TMEM150C: variants seen among roughly 807,000 people sequenced by gnomAD.
TMEM150C encodes tentonin 3.
In TMEM150C, 10 loss-of-function variants were observed where a neutral mutation model predicts 29.9. The ratio of observed to expected loss-of-function variants is 0.33; its 90% CI spans 0.21 to 0.57. The LOEUF (loss-of-function observed/expected upper bound fraction) is 0.57. Among genes scored for constraint, TMEM150C ranks in the 20% least tolerant of loss-of-function variants. The probability of loss-of-function intolerance (pLI) is 0.88; values close to 1 mark genes in which losing one functional copy is unlikely to be tolerated. For synonymous variants in TMEM150C, 101 were observed against 112.5 expected (o/e 0.90, Z 0.64); for missense variants, 251 against 303.6 (o/e 0.83, Z 1.29).
At chr4:82,520,055 T>C (rs1412881157) in intron 1 of TMEM150C, among the ~76,000 whole-genome samples, 1 of 152,192 alleles carries the variant, frequency 6.6e-6, no homozygotes. Flanking sequence ...TAGTGAATGA[T>C]GAAAGAAACC....
In TMEM150C at chr4:82,491,645, CAGG is replaced by C. The variant is rs1399536752; in HGVS notation, c.364-1410_364-1408del. The C allele has an allele frequency of 7.2e-6, 4 of 551,756 alleles. No homozygotes were observed. In the African/African-American group the frequency reaches 7.7e-5, roughly 11 times the overall value. 34.2% of individuals were successfully genotyped at this position (551,756 alleles called of 1,614,324 possible). On this transcript the variant is annotated intron_variant, in intron 6 of 7. Coordinates refer to ENST00000449862, the MANE Select transcript of TMEM150C (RefSeq NM_001080506.3). ...TCTTTCCTTTCAGCACCTTTGGCAG[CAGG>C]AGGAGAGCGCTAATTTTTTATTTTT...
intron 7 of TMEM150C, among the ~76,000 whole-genome samples, chr4:82,488,465 A>G (rs928087706): frequency 3.3e-5 from 5 of 152,360 alleles, no homozygotes; most frequent in African/African-American, 1.2e-4. Flanking sequence ...AATAATGCCT[A>G]GCACGCTGTC....
intron 1 of TMEM150C, among the ~76,000 whole-genome samples, chr4:82,557,263 C>T (rs1360822557): frequency 6.6e-6 from 1 of 152,158 alleles, no homozygotes; most frequent in Admixed American, 6.5e-5. Flanking sequence ...GTAATCTCCA[C>T]AGGCTAGACT....
chr4:82,491,301 T>G, intron 6 of TMEM150C: 1 of 679,724 alleles, frequency 1.5e-6, no homozygotes, highest in East Asian at 2.6e-5. Flanking sequence ...CTTCTTCTCT[T>G]GCTTTGTCTC....
chr4:82,514,284 T>C (rs1213690936), intron 1 of TMEM150C, among the ~76,000 whole-genome samples: 2 of 152,232 alleles, frequency 1.3e-5, no homozygotes, highest in Non-Finnish European at 2.9e-5. Context: ...CTGTGTGCAT[T>C]TCCTCCTCCT....
chr4:82,543,010 T>C (rs1725243013), intron 1 of TMEM150C, among the ~76,000 whole-genome samples: 1 of 152,200 alleles, frequency 6.6e-6, no homozygotes, highest in Admixed American at 6.5e-5. Flanking sequence ...ATATAGCACT[T>C]ACTATGTGCC....
At chr4:82,552,834 C>T (rs1296306801) in intron 1 of TMEM150C, among the ~76,000 whole-genome samples, 1 of 152,144 alleles carries the variant, frequency 6.6e-6, no homozygotes, top group African/African-American at 2.4e-5. Context: ...TCATTAAGAA[C>T]TTCTTCAGTC....
intron 1 of TMEM150C, among the ~76,000 whole-genome samples, chr4:82,531,271 G>A (rs531458996): frequency 3.9e-5 from 6 of 152,308 alleles, no homozygotes; most frequent in Admixed American, 6.5e-5. Context: ...AGAGAAGTAC[G>A]AGGATAGAAA....
intron 1 of TMEM150C, among the ~76,000 whole-genome samples, chr4:82,531,638 C>T (rs1365140886): frequency 6.6e-6 from 1 of 151,480 alleles, no homozygotes; most frequent in African/African-American, 2.4e-5. Flanking sequence ...ACCTGTAATC[C>T]CAGGTACGTG....
intron 5 of TMEM150C, among the ~76,000 whole-genome samples, chr4:82,497,203 T>C (rs1331125638): frequency 6.6e-6 from 1 of 152,048 alleles, no homozygotes; most frequent in East Asian, 1.9e-4. Flanking sequence ...ATACGAAGAG[T>C]TGGGAGAGGT....
intron 1 of TMEM150C, among the ~76,000 whole-genome samples, chr4:82,505,649 G>A (rs1723894472): frequency 6.6e-6 from 1 of 152,132 alleles, no homozygotes; most frequent in African/African-American, 2.4e-5. Flanking sequence ...TTATTGAGCA[G>A]CAATCGCAGG....
chr4:82,513,990 C>T (rs1434391726), intron 1 of TMEM150C, among the ~76,000 whole-genome samples: 2 of 152,214 alleles, frequency 1.3e-5, no homozygotes, highest in African/African-American at 4.8e-5. Context: ...CTGTTGCACT[C>T]TCAAACTTCC....
At chr4:82,561,597 C>T (rs1158448205) in intron 1 of TMEM150C, among the ~76,000 whole-genome samples, 1 of 149,550 alleles carries the variant, frequency 6.7e-6, no homozygotes, top group African/African-American at 2.4e-5. Flanking sequence ...GCTGGCGGCA[C>T]TGCGGCGGCG....
chr4:82,523,386 A>G (rs1452676117), intron 1 of TMEM150C, among the ~76,000 whole-genome samples: 1 of 152,142 alleles, frequency 6.6e-6, no homozygotes, highest in Non-Finnish European at 1.5e-5. Flanking sequence ...GCCCTGCGAG[A>G]AAGCTGGCCC....
intron 1 of TMEM150C, among the ~76,000 whole-genome samples, chr4:82,549,469 G>T (rs78186366): frequency 0.16 from 24,393 of 152,122 alleles, 2,458 homozygotes; most frequent in African/African-American, 0.28. Flanking sequence ...GGGGTAGGAG[G>T]ATATGGGGAG....
intron 1 of TMEM150C, among the ~76,000 whole-genome samples, chr4:82,529,490 T>G (rs1724767545): frequency 6.6e-6 from 1 of 152,116 alleles, no homozygotes; most frequent in Non-Finnish European, 1.5e-5. Flanking sequence ...GATCTCACTA[T>G]GTTGCCCAGG....
intron 1 of TMEM150C, among the ~76,000 whole-genome samples, chr4:82,527,884 G>T (rs1046791103): frequency 6.6e-6 from 1 of 152,170 alleles, no homozygotes; most frequent in Non-Finnish European, 1.5e-5. Context: ...CATTGGTAAG[G>T]TCTCATTCTG....
At chr4:82,552,242 C>T (rs1050543196) in intron 1 of TMEM150C, among the ~76,000 whole-genome samples, 2 of 152,158 alleles carry the variant, frequency 1.3e-5, no homozygotes, top group South Asian at 2.1e-4. Flanking sequence ...CCACTACCCT[C>T]GGGTATTCCT....
chr4:82,520,172 AT>A (rs1351574395), intron 1 of TMEM150C, among the ~76,000 whole-genome samples: 1 of 152,238 alleles, frequency 6.6e-6, no homozygotes, highest in African/African-American at 2.4e-5. Context: ...GCAATTCATA[AT>A]TGGAAAGTAA....
Sources: gnomAD v4.1 joint callset for allele counts (sites outside exome capture counted in the v4.1 genomes callset) on GRCh38, gnomAD v4.1.1 for gene constraint, MANE v1.5 for transcripts, NCBI Gene and HGNC (gene_info 2026-07-23, HGNC 2026-07-21) for gene names.